The following OPCML variants were observed in gnomAD, a reference collection of about 807,000 sequenced individuals.
OPCML encodes the protein opioid binding protein/cell adhesion molecule like.
A neutral mutation model predicts 37.8 loss-of-function variants in OPCML; 13 were observed. The observed-to-expected ratio is 0.34, with a 90% confidence interval of 0.22 to 0.55. The LOEUF (loss-of-function observed/expected upper bound fraction) is 0.55. Ranked by LOEUF, OPCML falls within the 20% of genes least tolerant of loss-of-function variation. The probability of loss-of-function intolerance (pLI) is 0.91; values close to 1 mark genes in which losing one functional copy is unlikely to be tolerated. For missense variants in OPCML, 341 were observed against 435.6 expected, an observed-to-expected ratio of 0.78 and a Z score of 1.93; for synonymous variants, 176 against 168.8, an observed-to-expected ratio of 1.04 and a Z score of -0.33.
At chr11:132,447,315 G>A (rs2096057989) in intron 4 of OPCML, among the ~76,000 whole-genome samples, 1 of 152,114 alleles carries the variant, frequency 6.6e-6, no homozygotes, top group African/African-American at 2.4e-5. Context: ...GTTTTCTTTT[G>A]AGACAGAGTT....
At chr11:133,452,433 C>T (rs1946598448) in intron 1 of OPCML, among the ~76,000 whole-genome samples, 4 of 150,312 alleles carry the variant, frequency 2.7e-5, no homozygotes, top group Admixed American at 2.6e-4. Flanking sequence ...TTGGTCACTT[C>T]AGTGCTATTA....
intron 3 of OPCML, among the ~76,000 whole-genome samples, chr11:132,581,807 T>G (rs2096462593): frequency 1.3e-5 from 2 of 152,056 alleles, no homozygotes; most frequent in Non-Finnish European, 1.5e-5. Context: ...GGTCTGGGGT[T>G]GCTCCTGGCA....
In OPCML at chr11:132,480,994, G is replaced by A. The variant is rs146981802; in HGVS notation, c.506-43635C>T. Reference sequence around the variant, plus strand: ...CAAAATAACCAGCTAACATCATAACGACAGGATCAAATTCACAATTTGATA... The same window carrying A: ...CAAAATAACCAGCTAACATCATAACAACAGGATCAAATTCACAATTTGATA... On this transcript the variant is annotated intron_variant, in intron 4 of 7. Coordinates refer to ENST00000524381, the MANE Select transcript of OPCML (RefSeq NM_001012393.5). Among the ~76,000 whole-genome samples the A allele has an allele frequency of 9.5e-3, 1,442 of 151,466 alleles. 11 individuals carry two copies. Among genetic ancestry groups the A allele is most frequent in the African/African-American group, 0.032 (1,336 of 41,270 alleles).
chr11:132,719,467 T>C (rs563871974), intron 2 of OPCML, among the ~76,000 whole-genome samples: 1 of 152,264 alleles, frequency 6.6e-6, no homozygotes. Flanking sequence ...GGCTTTCCCT[T>C]ACTTCTCCCC....
intron 4 of OPCML, among the ~76,000 whole-genome samples, chr11:132,502,068 A>G (rs1300024834): frequency 2.0e-5 from 3 of 152,228 alleles, no homozygotes; most frequent in Non-Finnish European, 4.4e-5. Flanking sequence ...ATGCTTTCTG[A>G]TGACAATCTC....
intron 1 of OPCML, among the ~76,000 whole-genome samples, chr11:133,314,239 A>AC (rs2136602926): frequency 6.7e-6 from 1 of 149,114 alleles, no homozygotes; most frequent in Admixed American, 6.7e-5. Context: ...TCTCAAAAAA[A>AC]AAAAAAAAAA....
In OPCML at chr11:133,418,170, C is replaced by T. The variant is rs529569451; in HGVS notation, c.61+114094G>A. 32 of 985,360 alleles carry T rather than the reference C, an allele frequency of 3.2e-5. No individual in the cohort carries two copies. The South Asian group carries it at 1.2e-3, about 36-fold the overall frequency. 61.0% of individuals were successfully genotyped at this position (985,360 alleles called of 1,614,324 possible). ...ATCAAGAAAGACTGGAAAATACTCT[C>T]GCCTGTCTGCCATGGCAGGGTCTTC... On this transcript the variant is annotated intron_variant, in intron 1 of 7. Transcript: ENST00000524381.
chr11:133,058,402 C>T (rs907798926), intron 1 of OPCML, among the ~76,000 whole-genome samples: 11 of 152,090 alleles, frequency 7.2e-5, no homozygotes, highest in South Asian at 2.1e-4. Flanking sequence ...CAGACTGGGG[C>T]GGGGGCACGC....
chr11:133,381,323 G>T (rs897885731), intron 1 of OPCML, among the ~76,000 whole-genome samples: 2 of 152,262 alleles, frequency 1.3e-5, no homozygotes, highest in East Asian at 3.8e-4. Flanking sequence ...CAAGAAATGA[G>T]ATGGGACAAA....
chr11:132,418,718 G>A lies in OPCML; in HGVS notation c.*1475C>T, dbSNP rs1284330589. 1 of 152,418 alleles carries A rather than the reference G, an allele frequency of 6.6e-6. No homozygotes were observed. The highest frequency in any genetic ancestry group is 1.5e-5 in the Non-Finnish European group (1 of 68,050). The allele number at this position is 152,418 out of a possible 1,614,324, so 9.4% of individuals were successfully genotyped here. On this transcript the variant is annotated 3_prime_UTR_variant, in exon 8 of 8. Coordinates refer to ENST00000524381, the MANE Select transcript of OPCML (RefSeq NM_001012393.5). The stretch of plus-strand genomic sequence containing the variant: ...GAGCAGAAAGGAGACTCTAGCTGAA[G>A]TCATCCCACTCAGGCGGGTGGACTC...
At chr11:132,575,986 TA>T (rs2096449625) in intron 3 of OPCML, among the ~76,000 whole-genome samples, 1 of 152,106 alleles carries the variant, frequency 6.6e-6, no homozygotes, top group South Asian at 2.1e-4. Flanking sequence ...AGGTTTCTGC[TA>T]AAAATCCACT....
intron 1 of OPCML, among the ~76,000 whole-genome samples, chr11:133,477,364 C>G (rs1947265188): frequency 6.6e-6 from 1 of 152,180 alleles, no homozygotes; most frequent in Non-Finnish European, 1.5e-5. Context: ...TCACTTTCAA[C>G]ACGGTGAATG....
chr11:133,313,118 T>C (rs1051434989), intron 1 of OPCML, among the ~76,000 whole-genome samples: 7 of 152,348 alleles, frequency 4.6e-5, no homozygotes, highest in African/African-American at 1.4e-4. Flanking sequence ...TATACTTCTT[T>C]ATTTATATGC....
At chr11:132,875,451 A>G (rs1942971683) in intron 2 of OPCML, among the ~76,000 whole-genome samples, 1 of 149,014 alleles carries the variant, frequency 6.7e-6, no homozygotes, top group African/African-American at 2.5e-5. Context: ...CTGCCAATGT[A>G]TTTACCCATC....
At chr11:133,148,190 C>A (rs1037536034) in intron 1 of OPCML, among the ~76,000 whole-genome samples, 3 of 152,226 alleles carry the variant, frequency 2.0e-5, no homozygotes, top group Non-Finnish European at 4.4e-5. Context: ...ACTGAGAGCT[C>A]CCATTTCCTC....
intron 2 of OPCML, among the ~76,000 whole-genome samples, chr11:132,866,846 A>C (rs575505216): frequency 9.8e-5 from 15 of 152,324 alleles, no homozygotes; most frequent in Admixed American, 9.1e-4. Context: ...CACAGCTCTG[A>C]ATTTGCATCT....
In OPCML at chr11:133,418,141, A is replaced by C. The variant is rs192902957; in HGVS notation, c.61+114123T>G. ...TGGCGTGAAGTCGAAGACAGCAGGA[A>C]ACAATCAAGAAAGACTGGAAAATAC... On this transcript the variant is annotated intron_variant, in intron 1 of 7. Coordinates refer to ENST00000524381, the MANE Select transcript of OPCML (RefSeq NM_001012393.5). The C allele has an allele frequency of 4.1e-4, 401 of 985,396 alleles. No individual in the cohort carries two copies. The African/African-American group carries it at 6.4e-3, about 16-fold the overall frequency. The allele number at this position is 985,396 out of a possible 1,614,324, so 61.0% of individuals were successfully genotyped here. A position where few individuals can be genotyped will look rare whatever the true frequency, so the allele number is the denominator to read the frequency against.
chr11:132,619,546 T>C (rs990808164), intron 3 of OPCML, among the ~76,000 whole-genome samples: 21 of 151,926 alleles, frequency 1.4e-4, no homozygotes, highest in African/African-American at 5.1e-4. Flanking sequence ...ATTGGTAAAA[T>C]TGGCCTAAAA....
chr11:132,604,167 G>A (rs1938117839), intron 3 of OPCML, among the ~76,000 whole-genome samples: 1 of 152,044 alleles, frequency 6.6e-6, no homozygotes. Flanking sequence ...ACCTCTGTTG[G>A]GCTCCATGCG....
Sources: gnomAD v4.1 joint callset for allele counts (sites outside exome capture counted in the v4.1 genomes callset) on GRCh38, gnomAD v4.1.1 for gene constraint, MANE v1.5 for transcripts, NCBI Gene and HGNC (gene_info 2026-07-23, HGNC 2026-07-21) for gene names.